AGBL1: variants seen among roughly 807,000 people sequenced by gnomAD.
AGBL1 encodes AGBL carboxypeptidase 1, also known as cytosolic carboxypeptidase 4.
AGBL1 carries 130 observed loss-of-function variants against 118.9 expected under a neutral mutation model. The observed-to-expected ratio is 1.09, with a 90% CI of 0.95 to 1.26. The LOEUF is 1.26. Ranked by LOEUF, AGBL1 falls within the 50% of genes most tolerant of loss-of-function variation. The probability of loss-of-function intolerance (pLI) is 0.00; values close to 1 mark genes in which losing one functional copy is unlikely to be tolerated. For synonymous variants in AGBL1, 555 were observed against 478.9 expected, an observed-to-expected ratio of 1.16 and a Z score of -2.08; for missense variants, 1,584 against 1,298.1, an observed-to-expected ratio of 1.22 and a Z score of -3.38.
chr15:86,540,326 G>A lies in AGBL1; in HGVS notation c.2686-5676G>A, dbSNP rs889595116. On this transcript the variant is annotated intron_variant, in intron 19 of 22. Coordinates refer to ENST00000614907, the MANE Select transcript of AGBL1 (RefSeq NM_001386094.1). ...AGGGCTATTGAGGTGGGGAGCGGTG[G>A]CTCACACCTGTAATCCTAGCACTTT... is the stretch of plus-strand genomic sequence containing the variant. 3.3e-5 allele frequency among the ~76,000 whole-genome samples: 5 copies of A among 152,134 alleles called. No individual in the cohort carries two copies. In the East Asian group the frequency reaches 9.7e-4, roughly 29 times the overall value.
In AGBL1 at chr15:86,574,660, C is replaced by G. The variant is rs969577701; in HGVS notation, c.2994+20123C>G. On this transcript the variant is annotated intron_variant, in intron 21 of 22. Transcript: ENST00000614907. Reference sequence around the variant, plus strand: ...TGGTGTGATCTCGGCTTACTGCAATCTCCACCTCCCAGGTTCAAGCGATTC... The same window carrying G: ...TGGTGTGATCTCGGCTTACTGCAATGTCCACCTCCCAGGTTCAAGCGATTC... Among the ~76,000 whole-genome samples the G allele has an allele frequency of 2.3e-5, 3 of 131,500 alleles. No homozygotes were observed. In the South Asian group the frequency reaches 7.6e-4, roughly 33 times the overall value. 86.3% of individuals were successfully genotyped at this position (131,500 alleles called of 152,430 possible).
chr15:86,369,544 T>C (rs1028923685), intron 17 of AGBL1, among the ~76,000 whole-genome samples: 6 of 152,180 alleles, frequency 3.9e-5, no homozygotes, highest in Admixed American at 2.0e-4. Flanking sequence ...CAAAATCAGT[T>C]GGTTAAAATG....
chr15:86,642,138 G>A (rs943515924), intron 21 of AGBL1, among the ~76,000 whole-genome samples: 3 of 152,202 alleles, frequency 2.0e-5, no homozygotes, highest in South Asian at 2.1e-4. Context: ...AATGAAACAG[G>A]GAAATATATT....
intron 1 of AGBL1, among the ~76,000 whole-genome samples, chr15:86,113,185 C>T (rs112231282): frequency 3.1e-4 from 46 of 146,268 alleles, no homozygotes; most frequent in African/African-American, 9.3e-4. Context: ...TGTTCAGTAC[C>T]GTTCACCTCT....
At chr15:86,504,623 A>C (rs1287008497) in intron 18 of AGBL1, among the ~76,000 whole-genome samples, 1 of 151,608 alleles carries the variant, frequency 6.6e-6, no homozygotes, top group Non-Finnish European at 1.5e-5. Context: ...ATATATAACA[A>C]TCTAGTCAGA....
intron 23 of AGBL1, among the ~76,000 whole-genome samples, chr15:86,987,142 A>T (rs2081293029): frequency 6.6e-6 from 1 of 152,144 alleles, no homozygotes; most frequent in South Asian, 2.1e-4. Flanking sequence ...TGAAGGCAGG[A>T]ACAGACCATT....
intron 18 of AGBL1, among the ~76,000 whole-genome samples, chr15:86,522,260 G>T (rs1255927054): frequency 6.6e-6 from 1 of 152,142 alleles, no homozygotes; most frequent in Non-Finnish European, 1.5e-5. Flanking sequence ...TGCAATAGAA[G>T]AGAGAGAACA....
chr15:86,660,906 T>C (rs999574638), intron 21 of AGBL1, among the ~76,000 whole-genome samples: 1 of 152,156 alleles, frequency 6.6e-6, no homozygotes, highest in African/African-American at 2.4e-5. Flanking sequence ...AAAATAATAA[T>C]AGTATTAATG....
chr15:86,564,171 T>G (rs1333791142), intron 21 of AGBL1, among the ~76,000 whole-genome samples: 1 of 152,214 alleles, frequency 6.6e-6, no homozygotes, highest in Non-Finnish European at 1.5e-5. Flanking sequence ...GATCCTGTCA[T>G]TATAATGTTA....
chr15:86,593,048 C>G (rs561726375), intron 21 of AGBL1, among the ~76,000 whole-genome samples: 6 of 152,152 alleles, frequency 3.9e-5, no homozygotes, highest in African/African-American at 7.2e-5. Flanking sequence ...CTCTCTTGCT[C>G]TCTCTCTGCA....
intron 24 of AGBL1, among the ~76,000 whole-genome samples, chr15:87,008,463 A>G (rs573649031): frequency 6.6e-6 from 1 of 152,332 alleles, no homozygotes; most frequent in African/African-American, 2.4e-5. Flanking sequence ...CTGTAAATCC[A>G]TTAAACCTCT....
intron 21 of AGBL1, among the ~76,000 whole-genome samples, chr15:86,582,825 C>G (rs2084189323): frequency 7.2e-6 from 1 of 139,802 alleles, no homozygotes; most frequent in Non-Finnish European, 1.5e-5. Flanking sequence ...AACACATGGA[C>G]ACAGGAAGGG....
intron 22 of AGBL1, among the ~76,000 whole-genome samples, chr15:86,863,196 G>T (rs1436101420): frequency 6.6e-6 from 1 of 152,128 alleles, no homozygotes; most frequent in African/African-American, 2.4e-5. Flanking sequence ...TACTGGAGCT[G>T]GAAAGGCATA....
At chr15:86,114,481 A>G (rs1014579641) in intron 1 of AGBL1, among the ~76,000 whole-genome samples, 1 of 152,364 alleles carries the variant, frequency 6.6e-6, no homozygotes, top group East Asian at 1.9e-4. Context: ...TGTGAAAAAC[A>G]ATAGGAACTT....
intron 22 of AGBL1, among the ~76,000 whole-genome samples, chr15:86,900,375 A>G (rs1262583555): frequency 6.6e-6 from 1 of 152,190 alleles, no homozygotes; most frequent in African/African-American, 2.4e-5. Context: ...GGAATCTAAG[A>G]TTCCTCAGAG....
chr15:86,475,564 C>G (rs189183504), intron 18 of AGBL1, among the ~76,000 whole-genome samples: 1 of 152,070 alleles, frequency 6.6e-6, no homozygotes. Flanking sequence ...CCAAGAAATA[C>G]GAGACTATGT....
At chr15:86,673,220 T>A (rs1277397869) in intron 21 of AGBL1, among the ~76,000 whole-genome samples, 3 of 152,294 alleles carry the variant, frequency 2.0e-5, no homozygotes, top group South Asian at 4.1e-4. Flanking sequence ...TTGATCAATA[T>A]TATGACTGTG....
chr15:86,837,254 A>G (rs940690555), intron 22 of AGBL1, among the ~76,000 whole-genome samples: 4 of 152,102 alleles, frequency 2.6e-5, no homozygotes, highest in African/African-American at 9.7e-5. Flanking sequence ...ATTTAGTACA[A>G]AATGACTACT....
chr15:86,149,871 T>C (rs564250025), intron 3 of AGBL1, among the ~76,000 whole-genome samples: 1 of 152,276 alleles, frequency 6.6e-6, no homozygotes, highest in East Asian at 1.9e-4. Flanking sequence ...GACCACATAA[T>C]TGGAAGTAAA....
Sources: gnomAD v4.1 joint callset for allele counts (sites outside exome capture counted in the v4.1 genomes callset) on GRCh38, gnomAD v4.1.1 for gene constraint, MANE v1.5 for transcripts, NCBI Gene and HGNC (gene_info 2026-07-23, HGNC 2026-07-21) for gene names.